Variants in RUFY1 observed in about 807,000 individuals in gnomAD.
The protein encoded by RUFY1 is RUN and FYVE domain-containing protein 1.
In RUFY1, 54 loss-of-function variants were observed where a neutral mutation model predicts 94.6. The observed-to-expected ratio is 0.57, with a 90% CI of 0.46 to 0.72. The LOEUF is 0.72. Ranked by LOEUF, RUFY1 falls within the 30% of genes least tolerant of loss-of-function variation. The pLI is 0.00. For synonymous variants in RUFY1, 396 were observed against 347.3 expected, an observed-to-expected ratio of 1.14 and a Z score of -1.56; for missense variants, 883 against 883.9, an observed-to-expected ratio of 1.00 and a Z score of 0.01.
At chr5:179,587,022 A>G (rs1405954336) in intron 8 of RUFY1, among the ~76,000 whole-genome samples, 1 of 152,174 alleles carries the variant, frequency 6.6e-6, no homozygotes, top group African/African-American at 2.4e-5. Flanking sequence ...ATGAAGCTCC[A>G]ATTGAGCTTT....
intron 2 of RUFY1, among the ~76,000 whole-genome samples, chr5:179,562,208 T>A (rs975927197): frequency 4.8e-4 from 73 of 151,654 alleles, no homozygotes; most frequent in African/African-American, 1.7e-3. Context: ...GGTCAGGAGT[T>A]CAAGACCAGC....
Position 179,572,268 on chromosome 5 carries a change from C to T in RUFY1, c.828+2843C>T, listed in dbSNP as rs1763280070. On this transcript the variant is annotated intron_variant, in intron 5 of 17. Transcript: ENST00000319449. The stretch of plus-strand genomic sequence containing the variant: ...CTGTGGGCTACAAAGGGAAGTACGT[C>T]GTCCTCTTTTTCTACCCTCTGGACT... The T allele has an allele frequency of 1.3e-5, 3 of 237,562 alleles. 1 individual carries two copies. In the South Asian group the frequency reaches 1.4e-4, roughly 11 times the overall value. The allele number at this position is 237,562 out of a possible 1,614,324, so 14.7% of individuals were successfully genotyped here.
intron 8 of RUFY1, among the ~76,000 whole-genome samples, 165 bp downstream of exon 8, chr5:179,586,030 C>G (rs1364818569): frequency 6.6e-6 from 1 of 152,206 alleles, no homozygotes; most frequent in African/African-American, 2.4e-5. Context: ...TCTGCTCTGT[C>G]CGAGGCTCCC....
At chr5:179,585,773 C>A in intron 7 of RUFY1, 23 bp from the exon 8 acceptor site, 1 of 1,560,958 alleles carries the variant, frequency 6.4e-7, no homozygotes. Context: ...TTTATGTTTA[C>A]TTAATATTCT....
intron 11 of RUFY1, 54 bp from the exon 12 acceptor site, chr5:179,594,812 C>A: frequency 3.1e-6 from 3 of 977,152 alleles, no homozygotes; most frequent in South Asian, 1.3e-5. Context: ...TAATCCAGAG[C>A]AGGTGCAAGG....
At chr5:179,607,838 C>T (rs1767272624) in intron 17 of RUFY1, among the ~76,000 whole-genome samples, 179 bp downstream of exon 17, 1 of 152,250 alleles carries the variant, frequency 6.6e-6, no homozygotes, top group African/African-American at 2.4e-5. Flanking sequence ...TCCATCCTGG[C>T]ACCCTCTTTC....
At chr5:179,559,120 G>C (rs755031773) in intron 1 of RUFY1, among the ~76,000 whole-genome samples, 1 of 152,240 alleles carries the variant, frequency 6.6e-6, no homozygotes, top group Non-Finnish European at 1.5e-5. Flanking sequence ...GCGCGCCCGG[G>C]TGAGGGCCGC....
intron 2 of RUFY1, among the ~76,000 whole-genome samples, chr5:179,560,682 C>T (rs190453588): frequency 5.6e-5 from 8 of 142,276 alleles, no homozygotes; most frequent in Admixed American, 5.1e-4. Context: ...GCTGAGATCG[C>T]GCCACTGCAC....
intron 11 of RUFY1, among the ~76,000 whole-genome samples, chr5:179,594,185 C>A (rs369501237): frequency 2.0e-5 from 3 of 151,846 alleles, no homozygotes; most frequent in African/African-American, 7.3e-5. Flanking sequence ...GCCTCTAATC[C>A]CAGATACTCA....
chr5:179,559,781 G>A (rs1362548828), intron 1 of RUFY1: 1 of 1,256,576 alleles, frequency 8.0e-7, no homozygotes, highest in East Asian at 3.6e-5. Context: ...GTCTGGGAGA[G>A]GCCTCTGGAG....
chr5:179,588,098 G>A (rs1037010601), intron 8 of RUFY1, among the ~76,000 whole-genome samples: 2 of 152,144 alleles, frequency 1.3e-5, no homozygotes, highest in African/African-American at 2.4e-5. Flanking sequence ...TATGGTTTTT[G>A]CCTGCTTCTT....
chr5:179,608,186 G>A (rs1767312225), intron 17 of RUFY1: 1 of 510,646 alleles, frequency 2.0e-6, no homozygotes, highest in South Asian at 8.2e-5. Context: ...GCTGGGTAGG[G>A]GAAGAGTTGG....
At chr5:179,589,084 T>TA (rs1386960390) in intron 8 of RUFY1, among the ~76,000 whole-genome samples, 1 of 152,188 alleles carries the variant, frequency 6.6e-6, no homozygotes, top group Non-Finnish European at 1.5e-5. Flanking sequence ...TTAATACAGG[T>TA]GAGAGCATAC....
chr5:179,605,212 A>G (rs567422433), intron 15 of RUFY1, among the ~76,000 whole-genome samples: 19 of 151,348 alleles, frequency 1.3e-4, no homozygotes, highest in Admixed American at 1.1e-3. Flanking sequence ...CCAGGAGGTC[A>G]AGGTTGCAGT....
chr5:179,584,204 C>G (rs577983978), intron 7 of RUFY1, among the ~76,000 whole-genome samples: 16 of 151,562 alleles, frequency 1.1e-4, no homozygotes, highest in African/African-American at 3.4e-4. Context: ...TTATATTTGT[C>G]CCCCGGTTCC....
chr5:179,592,407 C>T (rs1271856353), intron 10 of RUFY1, among the ~76,000 whole-genome samples: 3 of 152,028 alleles, frequency 2.0e-5, no homozygotes, highest in South Asian at 2.1e-4. Context: ...CCTGAGCCAC[C>T]GTGCCCGGCC....
At chr5:179,596,022 T>G (rs996469307) in intron 12 of RUFY1, 1 of 158,880 alleles carries the variant, frequency 6.3e-6, no homozygotes, top group Non-Finnish European at 1.4e-5. Context: ...AACTTATGTC[T>G]ACACCAAAAC....
chr5:179,596,643 C>G lies in RUFY1; in HGVS notation c.1593C>G (p.Gly531=). The change falls in exon 13 of 18, where the codon GGC becomes GGG. Residue 531 remains glycine, a synonymous_variant. Coordinates refer to ENST00000319449, the MANE Select transcript of RUFY1 (RefSeq NM_025158.5). ...KLQQELGGRI[G]ALQLQLSQLH... Reference sequence around the variant, plus strand: ...AGCAGGAGCTGGGCGGGAGGATCGGCGCCCTGCAGCTGCAGCTCTCCCAGC... The same window carrying G: ...AGCAGGAGCTGGGCGGGAGGATCGGGGCCCTGCAGCTGCAGCTCTCCCAGC... 1 of 1,609,648 alleles carries G rather than the reference C, an allele frequency of 6.2e-7. No individual in the cohort carries two copies. Among genetic ancestry groups the G allele is most frequent in the South Asian group, 1.1e-5 (1 of 90,696 alleles).
intron 14 of RUFY1, 101 bp downstream of exon 14, chr5:179,598,922 C>T: frequency 7.6e-7 from 1 of 1,313,740 alleles, no homozygotes; most frequent in Admixed American, 2.1e-5. Flanking sequence ...TGTGTGGGGG[C>T]CAGGCGGCTC....
Sources: gnomAD v4.1 joint callset for allele counts (sites outside exome capture counted in the v4.1 genomes callset) on GRCh38, gnomAD v4.1.1 for gene constraint, MANE v1.5 for transcripts, NCBI Gene and HGNC (gene_info 2026-07-23, HGNC 2026-07-21) for gene names.